Variants in LEMD3 observed in about 807,000 individuals in gnomAD.
LEMD3 encodes inner nuclear membrane protein Man1.
Under a neutral mutation model 95.2 loss-of-function variants are expected in LEMD3, and 33 were observed. The observed-to-expected ratio is 0.35, with a 90% CI of 0.26 to 0.46. The LOEUF (loss-of-function observed/expected upper bound fraction) is 0.46. Among genes scored for constraint, LEMD3 ranks in the 20% least tolerant of loss-of-function variants. The pLI, the probability that LEMD3 is intolerant of heterozygous loss-of-function variation, is 1.00. For missense variants in LEMD3, 1,210 were observed against 1,192.8 expected (o/e 1.01, Z -0.21); for synonymous variants, 525 against 474.6 (o/e 1.11, Z -1.38).
intron 1 of LEMD3, among the ~76,000 whole-genome samples, chr12:65,207,756 C>T (rs1869807656): frequency 1.3e-5 from 2 of 152,086 alleles, no homozygotes; most frequent in African/African-American, 4.8e-5. Context: ...CCTTTATTCT[C>T]CAAATGCTTA....
intron 1 of LEMD3, among the ~76,000 whole-genome samples, chr12:65,203,521 T>C (rs1388710779): frequency 1.3e-5 from 2 of 152,216 alleles, no homozygotes; most frequent in African/African-American, 2.4e-5. Context: ...ATATGACTTC[T>C]ATTTTAAATT....
At chr12:65,234,904 T>G (rs550914299) in intron 4 of LEMD3, among the ~76,000 whole-genome samples, 13 of 152,276 alleles carry the variant, frequency 8.5e-5, no homozygotes, top group African/African-American at 2.4e-4. Context: ...CTAATAACCT[T>G]GGGAGTTTGT....
At chr12:65,190,084 C>G (rs918645797) in intron 1 of LEMD3, among the ~76,000 whole-genome samples, 1 of 152,130 alleles carries the variant, frequency 6.6e-6, no homozygotes, top group African/African-American at 2.4e-5. Flanking sequence ...ATATCCAGCT[C>G]TATGTACATT....
At position 65,246,162 on chromosome 12, in the gene LEMD3, G is replaced by A. The variant is rs1197412349; in HGVS notation, c.2573G>A (p.Gly858Glu). Residue 858 changes from glycine to glutamate, a missense_variant and splice_region_variant, in exon 13 of 13, where the codon GGG becomes GAG. Gly to Glu is a moderately conservative substitution (Grantham distance 98). This residue lies in a region of LEMD3 where 461 missense variants were observed against 569.8 expected (regional missense o/e 0.81). Transcript: ENST00000308330. ...FKALHGSWFDGKLVTVKYLRL... is the reference protein window; with the variant it reads ...FKALHGSWFDEKLVTVKYLRL... ...AAATATTATTTTTATCTTACAACAG[G>A]GAAATTGGTTACAGTAAAATATTTA... The A allele has an allele frequency of 6.2e-7, 1 of 1,605,110 alleles. No individual in the cohort carries two copies. The highest frequency in any genetic ancestry group is 8.5e-7 in the Non-Finnish European group (1 of 1,173,178).
At chr12:65,195,021 G>A (rs906490733) in intron 1 of LEMD3, among the ~76,000 whole-genome samples, 1 of 151,906 alleles carries the variant, frequency 6.6e-6, no homozygotes, top group African/African-American at 2.4e-5. Context: ...AGGCAAGATG[G>A]GAGTTGGTTA....
At chr12:65,174,032 A>G (rs890405746) in intron 1 of LEMD3, among the ~76,000 whole-genome samples, 2 of 152,210 alleles carry the variant, frequency 1.3e-5, no homozygotes, top group African/African-American at 2.4e-5. Flanking sequence ...GTCAAATAGT[A>G]TGCTTAGGGA....
At chr12:65,207,554 A>T (rs996947658) in intron 1 of LEMD3, among the ~76,000 whole-genome samples, 4 of 152,172 alleles carry the variant, frequency 2.6e-5, no homozygotes, top group Admixed American at 6.5e-5. Flanking sequence ...TCAGGCCTAA[A>T]GAAGACCAGA....
intron 4 of LEMD3, among the ~76,000 whole-genome samples, chr12:65,221,245 A>C (rs978294059): frequency 1.2e-4 from 18 of 146,242 alleles, no homozygotes; most frequent in African/African-American, 4.6e-4. Flanking sequence ...GTTTATTCCT[A>C]AGTATCTAAA....
chr12:65,233,268 C>T (rs1870683331), intron 4 of LEMD3, among the ~76,000 whole-genome samples: 1 of 152,066 alleles, frequency 6.6e-6, no homozygotes, highest in African/African-American at 2.4e-5. Flanking sequence ...ATTCATAATC[C>T]TTAGCTCCAG....
rs1264488995 is a variant in LEMD3, at chr12:65,171,064, C to T, written c.1468C>T (p.Leu490=). 1.2e-6 allele frequency: 2 copies of T among 1,613,980 alleles called. No individual in the cohort carries two copies. Among genetic ancestry groups the T allele is most frequent in the Non-Finnish European group, 1.7e-6 (2 of 1,180,036 alleles). ...AACLFFLILG[L]TYLGMRGTGV... is the part of the protein sequence containing the mutation. Reference sequence around the variant, plus strand: ...CTGCTTATTTTTCCTAATACTGGGACTGACTTACCTAGGAATGAGAGGGAC... The same window carrying T: ...CTGCTTATTTTTCCTAATACTGGGATTGACTTACCTAGGAATGAGAGGGAC... The change falls in exon 1 of 13, where the codon CTG becomes TTG. Residue 490 remains leucine (L), a synonymous_variant. Coordinates refer to ENST00000308330, the MANE Select transcript of LEMD3 (RefSeq NM_014319.5).
chr12:65,222,516 T>G (rs1345869259), intron 4 of LEMD3, among the ~76,000 whole-genome samples: 2 of 152,190 alleles, frequency 1.3e-5, no homozygotes, highest in East Asian at 1.9e-4. Context: ...AATTCTTCTT[T>G]AATAAAATAG....
At chr12:65,225,869 T>C (rs2136345852) in intron 4 of LEMD3, among the ~76,000 whole-genome samples, 1 of 152,336 alleles carries the variant, frequency 6.6e-6, no homozygotes, top group South Asian at 2.1e-4. Flanking sequence ...CATGAGCCAC[T>C]GCTCCTGGCC....
At chr12:65,189,307 C>T (rs1869165094) in intron 1 of LEMD3, among the ~76,000 whole-genome samples, 1 of 152,110 alleles carries the variant, frequency 6.6e-6, no homozygotes, top group African/African-American at 2.4e-5. Flanking sequence ...TAGCCAAGGC[C>T]TCCATGAACA....
chr12:65,204,791 A>C (rs1245340081), intron 1 of LEMD3, among the ~76,000 whole-genome samples: 1 of 152,170 alleles, frequency 6.6e-6, no homozygotes, highest in East Asian at 1.9e-4. Context: ...AATATACTTC[A>C]TAAGGACTTG....
chr12:65,235,082 A>G (rs553750098), intron 4 of LEMD3, among the ~76,000 whole-genome samples: 2 of 152,306 alleles, frequency 1.3e-5, no homozygotes, highest in East Asian at 3.9e-4. Flanking sequence ...CATTTATTTC[A>G]TTGATTTTTA....
Position 65,246,797 on chromosome 12 carries a change from T to G in LEMD3, c.*472T>G, listed in dbSNP as rs976551425. ...TTTAACCTTAGGTTTCTGTTGCTTA[T>G]AAGCGATTCATTTGCTACGGCTGGA... On this transcript the variant is annotated 3_prime_UTR_variant, in exon 13 of 13. Coordinates refer to ENST00000308330, the MANE Select transcript of LEMD3 (RefSeq NM_014319.5). The G allele has an allele frequency of 6.1e-6, 1 of 163,680 alleles. No individual in the cohort carries two copies. Among genetic ancestry groups the G allele is most frequent in the Non-Finnish European group, 1.3e-5 (1 of 75,208 alleles). The allele number at this position is 163,680 out of a possible 1,614,324, so 10.1% of individuals were successfully genotyped here. A position where few individuals can be genotyped will look rare whatever the true frequency, so the allele number is the denominator to read the frequency against.
At chr12:65,179,301 T>A (rs1248530523) in intron 1 of LEMD3, among the ~76,000 whole-genome samples, 1 of 152,156 alleles carries the variant, frequency 6.6e-6, no homozygotes, top group Non-Finnish European at 1.5e-5. Context: ...ATGCATTTGA[T>A]AATTTCAGGG....
chr12:65,197,841 A>C (rs549447605), intron 1 of LEMD3, among the ~76,000 whole-genome samples: 2 of 152,098 alleles, frequency 1.3e-5, no homozygotes, highest in East Asian at 3.9e-4. Context: ...GGAAACTACT[A>C]CTATTTAAGT....
intron 1 of LEMD3, among the ~76,000 whole-genome samples, chr12:65,195,667 G>A (rs115768196): frequency 1.3e-5 from 2 of 152,116 alleles, no homozygotes; most frequent in Admixed American, 6.6e-5. Context: ...AAGGAAAGAC[G>A]AGTGTAGGTA....
Sources: allele counts gnomAD v4.1 joint callset (sites outside exome capture counted in the v4.1 genomes callset), GRCh38; gene constraint gnomAD v4.1.1; regional missense constraint gnomAD v4.1.1; transcripts MANE v1.5; gene names NCBI Gene and HGNC (gene_info 2026-07-23, HGNC 2026-07-21).